Variants in TOX observed in about 807,000 individuals in gnomAD.
TOX encodes the protein thymocyte selection-associated high mobility group box protein TOX.
TOX carries 11 observed loss-of-function variants against 53.7 expected under a neutral mutation model. That is an observed-to-expected ratio of 0.20 (90% CI 0.13 to 0.34). TOX has a LOEUF of 0.34. Among genes scored for constraint, TOX ranks in the 10% least tolerant of loss-of-function variants. TOX has a pLI of 1.00. For missense variants in TOX, 570 were observed against 664.6 expected (o/e 0.86, Z 1.56); for synonymous variants, 225 against 245.3 (o/e 0.92, Z 0.77).
chr8:59,028,117 G>A (rs1814278574), intron 1 of TOX, among the ~76,000 whole-genome samples: 1 of 152,106 alleles, frequency 6.6e-6, no homozygotes, highest in Non-Finnish European at 1.5e-5. Context: ...ATAGCAGTGA[G>A]CTCCCCTTAA....
At chr8:58,908,106 C>G (rs1031039459) in intron 3 of TOX, among the ~76,000 whole-genome samples, 1 of 152,132 alleles carries the variant, frequency 6.6e-6, no homozygotes, top group Non-Finnish European at 1.5e-5. Flanking sequence ...CCAGAGCCCC[C>G]GCCATAGGCC....
Position 58,827,992 on chromosome 8 carries a change from A to G in TOX, c.925-1090T>C, listed in dbSNP as rs112965443. The stretch of plus-strand genomic sequence containing the variant: ...ATTTTGGATTTTACAGCAGGGCATA[A>G]GGCTTGGCTAATATTTTGTAATGCT... On this transcript the variant is annotated intron_variant, in intron 5 of 8. Coordinates refer to ENST00000361421, the MANE Select transcript of TOX (RefSeq NM_014729.3). 4.8e-3 allele frequency among the ~76,000 whole-genome samples: 727 copies of G among 152,356 alleles called. 2 individuals carry two copies. Among genetic ancestry groups the G allele is most frequent in the Middle Eastern group, 6.8e-3 (2 of 294 alleles).
chr8:58,830,829 A>ATTTCATATTT (rs1251929133), intron 5 of TOX, among the ~76,000 whole-genome samples: 1 of 152,180 alleles, frequency 6.6e-6, no homozygotes, highest in Non-Finnish European at 1.5e-5. Flanking sequence ...TTTTCCCACT[A>ATTTCATATTT]CTATTTCATA....
In TOX at chr8:58,951,460, T is replaced by C. The variant is rs868643408; in HGVS notation, c.168+8483A>G. ...TCATCTTTCAAAGCAAGAAGTTTCA[T>C]TGAGGTCAGAGCACAAGAAATAAAA... On this transcript the variant is annotated intron_variant, in intron 2 of 8. Transcript: ENST00000361421. 8.5e-5 allele frequency among the ~76,000 whole-genome samples: 13 copies of C among 152,194 alleles called. No individual in the cohort carries two copies. In the South Asian group the frequency reaches 1.0e-3, roughly 12 times the overall value.
intron 2 of TOX, among the ~76,000 whole-genome samples, chr8:58,941,994 G>T (rs902889298): frequency 6.6e-6 from 1 of 150,962 alleles, no homozygotes; most frequent in Non-Finnish European, 1.5e-5. Flanking sequence ...CGGAGGTTGC[G>T]GTGAGCTGAG....
chr8:59,055,376 A>G (rs1009602235), intron 1 of TOX, among the ~76,000 whole-genome samples: 1 of 152,196 alleles, frequency 6.6e-6, no homozygotes, highest in Admixed American at 6.5e-5. Context: ...GCTTGTGAAT[A>G]AAGAACAAGG....
chr8:58,944,507 T>A (rs1046363701), intron 2 of TOX, among the ~76,000 whole-genome samples: 5 of 152,214 alleles, frequency 3.3e-5, no homozygotes, highest in Non-Finnish European at 5.9e-5. Context: ...TAGGCGAGAA[T>A]ACGCATGACT....
chr8:59,056,430 C>CG (rs1484137051), intron 1 of TOX, among the ~76,000 whole-genome samples: 5 of 8,472 alleles, frequency 5.9e-4, no homozygotes, highest in South Asian at 2.4e-3. Context: ...AGGCCCTCTC[C>CG]GAAAAAAAAA....
chr8:59,016,227 C>G (rs1477378443), intron 1 of TOX, among the ~76,000 whole-genome samples: 1 of 152,082 alleles, frequency 6.6e-6, no homozygotes, highest in African/African-American at 2.4e-5. Flanking sequence ...ATCACTTATT[C>G]AATTGCTACC....
chr8:58,992,312 ACAAATGCTTGCT>A (rs1813469144), intron 1 of TOX, among the ~76,000 whole-genome samples: 1 of 152,232 alleles, frequency 6.6e-6, no homozygotes, highest in African/African-American at 2.4e-5. Flanking sequence ...GTCAAGGCAC[ACAAATGCTTGCT>A]GCACGTAGAA....
At chr8:59,096,458 A>C (rs1804713755) in intron 1 of TOX, among the ~76,000 whole-genome samples, 1 of 152,222 alleles carries the variant, frequency 6.6e-6, no homozygotes, top group South Asian at 2.1e-4. Context: ...GATACATGTT[A>C]ATGAAACTGT....
intron 3 of TOX, among the ~76,000 whole-genome samples, chr8:58,888,947 T>C (rs1811516197): frequency 6.6e-6 from 1 of 151,952 alleles, no homozygotes; most frequent in African/African-American, 2.4e-5. Context: ...TATGAATGGC[T>C]CTTAAATATA....
chr8:59,085,029 C>T (rs781276465), intron 1 of TOX, among the ~76,000 whole-genome samples: 1 of 152,094 alleles, frequency 6.6e-6, no homozygotes, highest in Non-Finnish European at 1.5e-5. Context: ...AGAGAATAAA[C>T]CAAACAAAGA....
intron 3 of TOX, among the ~76,000 whole-genome samples, chr8:58,925,071 C>T (rs1011792643): frequency 2.0e-5 from 3 of 152,188 alleles, no homozygotes; most frequent in Non-Finnish European, 4.4e-5. Flanking sequence ...CAACCCTCGG[C>T]CTGCCTGCAC....
At chr8:58,846,343 T>A (rs556752817) in intron 4 of TOX, among the ~76,000 whole-genome samples, 1 of 152,272 alleles carries the variant, frequency 6.6e-6, no homozygotes, top group East Asian at 1.9e-4. Context: ...ATAAGTACAG[T>A]TCAATGATGA....
chr8:59,070,484 T>C (rs1490355195), intron 1 of TOX, among the ~76,000 whole-genome samples: 4 of 142,778 alleles, frequency 2.8e-5, no homozygotes, highest in African/African-American at 7.8e-5. Context: ...TATGTGCACA[T>C]TCCATAAATT....
chr8:58,930,918 C>T (rs1812244593), intron 3 of TOX, among the ~76,000 whole-genome samples: 1 of 152,164 alleles, frequency 6.6e-6, no homozygotes. Flanking sequence ...TATGGACATA[C>T]TTAGAATCCC....
intron 3 of TOX, among the ~76,000 whole-genome samples, chr8:58,925,650 T>C (rs1812146308): frequency 6.6e-6 from 1 of 152,234 alleles, no homozygotes; most frequent in African/African-American, 2.4e-5. Flanking sequence ...TTCTAATCAC[T>C]GCATGGTAAT....
At chr8:59,006,669 C>T (rs1166701617) in intron 1 of TOX, among the ~76,000 whole-genome samples, 1 of 152,190 alleles carries the variant, frequency 6.6e-6, no homozygotes, top group Non-Finnish European at 1.5e-5. Context: ...GTAATACTGA[C>T]AGCAATACCA....
Sources: gnomAD v4.1 joint callset for allele counts (sites outside exome capture counted in the v4.1 genomes callset) on GRCh38, gnomAD v4.1.1 for gene constraint, MANE v1.5 for transcripts, NCBI Gene and HGNC (gene_info 2026-07-23, HGNC 2026-07-21) for gene names.